Variants in GAPVD1 observed in about 807,000 individuals in gnomAD.
GAPVD1 encodes the protein GTPase activating protein and VPS9 domains 1, also known as GTPase-activating protein and VPS9 domain-containing protein 1.
In GAPVD1, 35 loss-of-function variants were observed where a neutral mutation model predicts 155.5. The ratio of observed to expected loss-of-function variants is 0.23; its 90% confidence interval spans 0.17 to 0.30. GAPVD1 has a LOEUF of 0.30. Among genes scored for constraint, GAPVD1 ranks in the 10% least tolerant of loss-of-function variants. The pLI is 1.00. For synonymous variants in GAPVD1, 636 were observed against 619.7 expected (o/e 1.03, Z -0.39); for missense variants, 1,429 against 1,775.7 (o/e 0.80, Z 3.51).
chr9:125,341,367 G>A (rs1847829121), intron 18 of GAPVD1, 103 bp downstream of exon 18: 1 of 631,380 alleles, frequency 1.6e-6, no homozygotes, highest in African/African-American at 1.9e-5. Flanking sequence ...AGACTTGCTG[G>A]GCTTAAGTTT....
chr9:125,319,563 C>CT (rs1332386843), intron 9 of GAPVD1, among the ~76,000 whole-genome samples: 2 of 145,590 alleles, frequency 1.4e-5, no homozygotes, highest in Non-Finnish European at 3.0e-5. Flanking sequence ...GACGCCTGGC[C>CT]TATGTCTATT....
At chr9:125,303,519 G>A (rs1031839692) in intron 5 of GAPVD1, among the ~76,000 whole-genome samples, 1 of 151,466 alleles carries the variant, frequency 6.6e-6, no homozygotes, top group Non-Finnish European at 1.5e-5. Context: ...GCTTACGCCT[G>A]TAATCCCAGC....
At chr9:125,269,600 T>C (rs1478833511) in intron 2 of GAPVD1, among the ~76,000 whole-genome samples, 2 of 151,578 alleles carry the variant, frequency 1.3e-5, no homozygotes, top group African/African-American at 2.4e-5. Context: ...ATTTTTTATA[T>C]TTTTAGTAGA....
intron 20 of GAPVD1, 137 bp from the exon 21 acceptor site, chr9:125,349,249 GTTTT>G: frequency 1.5e-6 from 1 of 671,472 alleles, no homozygotes; most frequent in Non-Finnish European, 2.5e-6. Flanking sequence ...TTTGAAGTTT[GTTTT>G]TTCTTTCTTT....
intron 1 of GAPVD1, among the ~76,000 whole-genome samples, chr9:125,266,073 A>C (rs1279003732): frequency 6.6e-6 from 1 of 150,788 alleles, no homozygotes; most frequent in Non-Finnish European, 1.5e-5. Flanking sequence ...CTATAATTTC[A>C]CGTCTATAAG....
rs899805115 is a variant in GAPVD1, at chr9:125,284,401, A to T, written c.-149-11057A>T. On this transcript the variant is annotated intron_variant, in intron 2 of 27. Coordinates refer to ENST00000297933, the MANE Select transcript of GAPVD1 (RefSeq NM_001282680.3). ...CACCATGCTGGCCAGGGTGGTCTCG[A>T]TCTCCTGACCTCATGATCCGCTCAC... Among the ~76,000 whole-genome samples, 7 of 146,244 alleles carry T rather than the reference A, an allele frequency of 4.8e-5. No individual in the cohort carries two copies. The East Asian group carries it at 1.4e-3, about 30-fold the overall frequency.
Position 125,362,783 on chromosome 9 carries a change from TCAGA to T in GAPVD1, c.*40_*43del, listed in dbSNP as rs1381070604. 2 of 1,598,914 alleles carry T rather than the reference TCAGA, an allele frequency of 1.3e-6. No homozygotes were observed. The highest frequency in any genetic ancestry group is 1.7e-6 in the Non-Finnish European group (2 of 1,170,686). ...GCCCACCAAGGCAGCAGACTGTTAA[TCAGA>T]CAAACAGATCTCTGAGAAGGTGCAT... On this transcript the variant is annotated 3_prime_UTR_variant, in exon 28 of 28. Transcript: ENST00000297933.
chr9:125,277,825 C>T (rs946479343), intron 2 of GAPVD1, among the ~76,000 whole-genome samples: 1 of 151,854 alleles, frequency 6.6e-6, no homozygotes, highest in Middle Eastern at 3.4e-3. Flanking sequence ...GCATGCCACA[C>T]CCAGCTAATT....
At chr9:125,296,358 G>GTTTTTTTTTTTTGTT (rs1554758520) in intron 3 of GAPVD1, among the ~76,000 whole-genome samples, 1 of 121,750 alleles carries the variant, frequency 8.2e-6, no homozygotes, top group Non-Finnish European at 1.6e-5. Flanking sequence ...TAGTTCTTAG[G>GTTTTTTTTTTTTGTT]TTTTTTTTTT....
chr9:125,323,667 T>C, intron 10 of GAPVD1, 131 bp from the exon 11 acceptor site: 1 of 808,678 alleles, frequency 1.2e-6, no homozygotes, highest in Non-Finnish European at 2.0e-6. Context: ...AAAGGGCATG[T>C]GTTTTTTTAA....
At chr9:125,283,027 T>TC (rs1491118944) in intron 2 of GAPVD1, among the ~76,000 whole-genome samples, 5 of 140,632 alleles carry the variant, frequency 3.6e-5, no homozygotes, top group African/African-American at 1.4e-4. Flanking sequence ...TTTATTTTTA[T>TC]TTTTATTTAT....
At chr9:125,328,827 G>C (rs1298163141) in intron 12 of GAPVD1, among the ~76,000 whole-genome samples, 1 of 98,728 alleles carries the variant, frequency 1.0e-5, no homozygotes, top group East Asian at 2.7e-4. Context: ...GCCGGGCAGG[G>C]GGCTGACCCC....
intron 2 of GAPVD1, chr9:125,287,732 C>CTTATT (rs1005747742): frequency 2.6e-5 from 4 of 152,026 alleles, no homozygotes; most frequent in South Asian, 4.1e-4. Flanking sequence ...TATTTATTTA[C>CTTATT]TTATTTTATT....
intron 26 of GAPVD1, 73 bp downstream of exon 26, chr9:125,359,565 C>A: frequency 1.3e-6 from 1 of 780,850 alleles, no homozygotes. Flanking sequence ...AATGTTACCA[C>A]GTGTTCAAGG....
chr9:125,302,511 G>A lies in GAPVD1; in HGVS notation c.714G>A (p.Lys238=), dbSNP rs778284557. The change falls in exon 5 of 28, where the codon AAG becomes AAA. Residue 238 remains lysine (K), a synonymous_variant. Transcript: ENST00000297933. ...AGCAGGAAAAACTCTTTGGAGAGAA[G>A]GGCTCAGATAGATTCAGGCAAAAAG... ...PSQQEKLFGE[K]GSDRFRQKVQ... is the part of the protein sequence containing the mutation. 3.1e-6 allele frequency: 5 copies of A among 1,613,890 alleles called. No homozygotes were observed. Among genetic ancestry groups the A allele is most frequent in the South Asian group, 1.1e-5 (1 of 91,082 alleles).
chr9:125,312,192 T>A (rs1842764645), intron 8 of GAPVD1, among the ~76,000 whole-genome samples: 1 of 152,234 alleles, frequency 6.6e-6, no homozygotes, highest in Non-Finnish European at 1.5e-5. Flanking sequence ...GATGTGATCA[T>A]CTGTGTGGCA....
chr9:125,277,194 C>A (rs878961859), intron 2 of GAPVD1, among the ~76,000 whole-genome samples: 2 of 152,212 alleles, frequency 1.3e-5, no homozygotes, highest in Admixed American at 1.3e-4. Flanking sequence ...TTCAAACATT[C>A]ATTCAGCACC....
chr9:125,322,945 C>T (rs947473457), intron 10 of GAPVD1, among the ~76,000 whole-genome samples: 9 of 150,262 alleles, frequency 6.0e-5, no homozygotes, highest in African/African-American at 1.5e-4. Context: ...CCCAGCTACT[C>T]GGGAGACTGA....
intron 15 of GAPVD1, among the ~76,000 whole-genome samples, chr9:125,335,452 C>T (rs909070459): frequency 6.6e-5 from 10 of 151,302 alleles, no homozygotes; most frequent in East Asian, 2.0e-4. Context: ...CCGAGGCAGG[C>T]GGATTACGAG....
Sources: allele counts gnomAD v4.1 joint callset (sites outside exome capture counted in the v4.1 genomes callset), GRCh38; gene constraint gnomAD v4.1.1; transcripts MANE v1.5; gene names NCBI Gene and HGNC (gene_info 2026-07-23, HGNC 2026-07-21).